PCDH15: variants seen among roughly 807,000 people sequenced by gnomAD.
PCDH15 encodes the protein protocadherin related 15.
A neutral mutation model predicts 178.5 loss-of-function variants in PCDH15; 129 were observed. The observed-to-expected ratio is 0.72, with a 90% CI of 0.63 to 0.84. The LOEUF (loss-of-function observed/expected upper bound fraction) is 0.84, where lower values mean the gene tolerates loss of function less well. PCDH15 is among the 40% of genes least tolerant of loss of function. The pLI is 0.00. For synonymous variants in PCDH15, 800 were observed against 732.0 expected (o/e 1.09, Z -1.50); for missense variants, 2,230 against 2,099.9 (o/e 1.06, Z -1.21).
intron 3 of PCDH15, among the ~76,000 whole-genome samples, chr10:54,833,270 T>A (rs1953257145): frequency 6.6e-6 from 1 of 151,938 alleles, no homozygotes; most frequent in Admixed American, 6.6e-5. Context: ...TAATTAATTT[T>A]GTTTATTAAC....
chr10:53,811,079 A>AATTT (rs1289111638), intron 36 of PCDH15, among the ~76,000 whole-genome samples: 1 of 152,098 alleles, frequency 6.6e-6, no homozygotes, highest in Admixed American at 6.5e-5. Flanking sequence ...TGGTTTTCAC[A>AATTT]ATTTCTTCAG....
intron 2 of PCDH15, among the ~76,000 whole-genome samples, chr10:55,365,912 G>T (rs1845346721): frequency 6.6e-6 from 1 of 151,922 alleles, no homozygotes; most frequent in Non-Finnish European, 1.5e-5. Flanking sequence ...TATCCTATCA[G>T]TAGTTCCCTT....
At chr10:54,678,148 A>G (rs943463570) in intron 1 of PCDH15, among the ~76,000 whole-genome samples, 1 of 152,224 alleles carries the variant, frequency 6.6e-6, no homozygotes, top group African/African-American at 2.4e-5. Flanking sequence ...AGTAACATAT[A>G]TAAATATATG....
chr10:53,890,284 A>AGCC (rs2081464607), intron 26 of PCDH15, among the ~76,000 whole-genome samples: 2 of 152,124 alleles, frequency 1.3e-5, no homozygotes, highest in Non-Finnish European at 2.9e-5. Context: ...AAAATTAGCT[A>AGCC]GACTTGGTGG....
chr10:55,295,558 G>A (rs1160389938), intron 1 of PCDH15, among the ~76,000 whole-genome samples: 1 of 152,122 alleles, frequency 6.6e-6, no homozygotes, highest in African/African-American at 2.4e-5. Context: ...TTTTGTATTA[G>A]GTAATGAAAA....
intron 2 of PCDH15, among the ~76,000 whole-genome samples, chr10:55,623,198 T>C (rs993624620): frequency 6.6e-6 from 1 of 152,148 alleles, no homozygotes; most frequent in African/African-American, 2.4e-5. Context: ...CCCGAAGACT[T>C]TGAATAGGCT....
At chr10:55,319,039 AAAAC>A (rs1263399466) in intron 1 of PCDH15, among the ~76,000 whole-genome samples, 2 of 116,780 alleles carry the variant, frequency 1.7e-5, no homozygotes, top group South Asian at 2.8e-4. Flanking sequence ...CAAAAACAAG[AAAAC>A]AAACAAAACA....
At chr10:54,401,362 A>C (rs924441682) in intron 3 of PCDH15, among the ~76,000 whole-genome samples, 9 of 149,190 alleles carry the variant, frequency 6.0e-5, no homozygotes, top group South Asian at 2.1e-4. Flanking sequence ...TTGTAGATTC[A>C]AAAAAAAAAT....
chr10:54,683,045 G>T (rs2094927317), intron 1 of PCDH15, among the ~76,000 whole-genome samples: 1 of 152,018 alleles, frequency 6.6e-6, no homozygotes, highest in Admixed American at 6.6e-5. Context: ...ATTTAAAAAT[G>T]TGCAAAACCA....
rs201026048 is a variant in PCDH15 at position 54,369,148 on chromosome 10, T to G, written c.446A>C (p.His149Pro). 4.3e-6 allele frequency: 7 copies of G among 1,613,054 alleles called. No individual in the cohort carries two copies. The highest frequency in any genetic ancestry group is 1.7e-4 in the Middle Eastern group (1 of 6,052). The change falls in exon 5 of 38, where the codon CAT (histidine) becomes CCT (proline). Residue 149 changes from histidine to proline, a missense_variant. His to Pro is a moderately conservative substitution (Grantham distance 77). Transcript: ENST00000644397. The part of the protein sequence containing the change: ...DRNDNSPTFK[H>P]ESYYATVNEL... The stretch of plus-strand genomic sequence containing the variant: ...ATTCACTGTGGCATAGTAGCTTTCA[T>G]GCTTGAAAGTGGGTGAGTTGTCATT...
chr10:54,093,642 A>G (rs1319788084), intron 15 of PCDH15, among the ~76,000 whole-genome samples: 1 of 152,210 alleles, frequency 6.6e-6, no homozygotes, highest in Non-Finnish European at 1.5e-5. Context: ...CTAACCAGCC[A>G]TCTCAAAATA....
chr10:54,215,375 T>C (rs1031576785), intron 9 of PCDH15, among the ~76,000 whole-genome samples: 3 of 152,072 alleles, frequency 2.0e-5, no homozygotes, highest in African/African-American at 7.2e-5. Context: ...TTCACACCAT[T>C]AAAACCGACT....
intron 5 of PCDH15, among the ~76,000 whole-genome samples, chr10:54,350,351 G>A (rs1246083356): frequency 2.0e-5 from 3 of 152,034 alleles, no homozygotes; most frequent in Non-Finnish European, 4.4e-5. Flanking sequence ...CACATTTAAG[G>A]CAAATGTCTT....
At chr10:54,792,691 G>A (rs1412256165) in intron 1 of PCDH15, among the ~76,000 whole-genome samples, 2 of 151,810 alleles carry the variant, frequency 1.3e-5, no homozygotes, top group African/African-American at 4.8e-5. Flanking sequence ...CCAGCTTGCT[G>A]ACTGCAGATC....
chr10:54,303,103 G>A (rs1265450688), intron 8 of PCDH15, among the ~76,000 whole-genome samples: 1 of 152,126 alleles, frequency 6.6e-6, no homozygotes, highest in East Asian at 1.9e-4. Context: ...GCCTTCAGAA[G>A]GGACTGGCTT....
chr10:55,054,016 C>T (rs1841230218), intron 2 of PCDH15, among the ~76,000 whole-genome samples: 1 of 152,068 alleles, frequency 6.6e-6, no homozygotes, highest in Non-Finnish European at 1.5e-5. Flanking sequence ...GCTACATGTG[C>T]AGGTTTGTTA....
chr10:54,456,425 C>T (rs2076825575), intron 3 of PCDH15, among the ~76,000 whole-genome samples: 1 of 151,494 alleles, frequency 6.6e-6, no homozygotes, highest in African/African-American at 2.4e-5. Flanking sequence ...GCCTGAAGCC[C>T]CTTTGTGTTG....
chr10:54,157,117 C>A (rs1289752323), intron 13 of PCDH15, among the ~76,000 whole-genome samples: 1 of 152,168 alleles, frequency 6.6e-6, no homozygotes, highest in African/African-American at 2.4e-5. Context: ...GTGGATCTAC[C>A]ATTCTGGGCT....
rs575085728 is a variant in PCDH15 at position 54,303,068 on chromosome 10, T to C, written c.876+14203A>G. Reference sequence around the variant, plus strand: ...TTTATTGAATAATGAGTCACTTCTATGTGTAATTTCCACTGCTAGTATGAG... The same window carrying C: ...TTTATTGAATAATGAGTCACTTCTACGTGTAATTTCCACTGCTAGTATGAG... On this transcript the variant is annotated intron_variant, in intron 8 of 37. Transcript: ENST00000644397. 1.2e-4 allele frequency among the ~76,000 whole-genome samples: 18 copies of C among 152,290 alleles called. No individual in the cohort carries two copies. In the East Asian group the frequency reaches 3.5e-3, roughly 29 times the overall value.
Sources: gnomAD v4.1 joint callset for allele counts (sites outside exome capture counted in the v4.1 genomes callset) on GRCh38, gnomAD v4.1.1 for gene constraint, MANE v1.5 for transcripts, NCBI Gene and HGNC (gene_info 2026-07-23, HGNC 2026-07-21) for gene names.